KLHDC3: variants seen among roughly 807,000 people sequenced by gnomAD.
The protein encoded by KLHDC3 is kelch domain-containing protein 3.
A neutral mutation model predicts 44.1 loss-of-function variants in KLHDC3; 5 were observed. The ratio of observed to expected loss-of-function variants is 0.11; its 90% CI spans 0.06 to 0.24. The LOEUF is 0.24. Among genes scored for constraint, KLHDC3 ranks in the 10% least tolerant of loss-of-function variants. The pLI is 1.00. For missense variants in KLHDC3, 247 were observed against 514.3 expected (o/e 0.48, Z 5.03); for synonymous variants, 170 against 189.0 (o/e 0.90, Z 0.82).
Position 43,014,334 on chromosome 6 carries a change from G to T in KLHDC3, c.-74G>T. 1 of 616,672 alleles carries T rather than the reference G, an allele frequency of 1.6e-6. No individual in the cohort carries two copies. Among genetic ancestry groups the T allele is most frequent in the Non-Finnish European group, 2.9e-6 (1 of 345,958 alleles). 38.2% of individuals were successfully genotyped at this position (616,672 alleles called of 1,614,324 possible). Reference sequence around the variant, plus strand: ...GCTCGAGGACCCGCGGCCCCGCCCCGGCTCGGCCTGGCAGGTAGCCTGGGA... The same window carrying T: ...GCTCGAGGACCCGCGGCCCCGCCCCTGCTCGGCCTGGCAGGTAGCCTGGGA... On this transcript the variant is annotated 5_prime_UTR_variant, in exon 1 of 11. Coordinates refer to ENST00000326974, the MANE Select transcript of KLHDC3 (RefSeq NM_057161.4).
rs1762616030 is a variant in KLHDC3 at position 43,017,989 on chromosome 6, A to G, written c.447+21A>G. ...AGCAGGTAGGTCTGGGAATAAAATA[A>G]GAGGTTTAGGGTGGGACTGAGAAAG... On this transcript the variant is annotated intron_variant, in intron 4 of 10. Coordinates refer to ENST00000326974, the MANE Select transcript of KLHDC3 (RefSeq NM_057161.4). This position sits in a 1 kb window ranked among gnomAD's most constrained non-coding sequence, Gnocchi z 6.0. 1.9e-6 allele frequency: 3 copies of G among 1,592,788 alleles called. No individual in the cohort carries two copies. Among genetic ancestry groups the G allele is most frequent in the African/African-American group, 1.3e-5 (1 of 74,432 alleles).
chr6:43,020,921 C>T lies in KLHDC3; in HGVS notation c.*188C>T. Reference sequence around the variant, plus strand: ...AGCGGGGTGGGGGCTAGGTTCCTCCCCCCTTGGGCCGAGGGCCCCTTCCCC... The same window carrying T: ...AGCGGGGTGGGGGCTAGGTTCCTCCTCCCTTGGGCCGAGGGCCCCTTCCCC... On this transcript the variant is annotated 3_prime_UTR_variant, in exon 11 of 11. Coordinates refer to ENST00000326974, the MANE Select transcript of KLHDC3 (RefSeq NM_057161.4). 1 of 665,780 alleles carries T rather than the reference C, an allele frequency of 1.5e-6. No individual in the cohort carries two copies. Among genetic ancestry groups the T allele is most frequent in the Non-Finnish European group, 2.7e-6 (1 of 364,358 alleles). The allele number at this position is 665,780 out of a possible 1,614,324, so 41.2% of individuals were successfully genotyped here.
chr6:43,018,688 G>T lies in KLHDC3; in HGVS notation c.789G>T (p.Arg263=), dbSNP rs753414666. ...IFGGYNARLN[R]HFHDLWKFNP... is the part of the protein sequence containing the mutation. The stretch of plus-strand genomic sequence containing the variant: ...GTGGTTATAATGCAAGGCTGAACCG[G>T]CACTTCCATGACCTCTGGAAGTTTA... The change falls in exon 7 of 11, where the codon CGG becomes CGT. Residue 263 remains arginine, a synonymous_variant. Coordinates refer to ENST00000326974, the MANE Select transcript of KLHDC3 (RefSeq NM_057161.4). The surrounding 1 kb of genome is among the most constrained non-coding windows in gnomAD (Gnocchi z 6.0). 1.2e-6 allele frequency: 2 copies of T among 1,613,956 alleles called. No individual in the cohort carries two copies.
At chr6:43,015,828 T>TGG (rs1762556569) in intron 1 of KLHDC3, among the ~76,000 whole-genome samples, 1 of 126,948 alleles carries the variant, frequency 7.9e-6, no homozygotes, top group Non-Finnish European at 1.6e-5. Context: ...CGCTCCAGCC[T>TGG]GGGGGCAAGA....
Position 43,018,594 on chromosome 6 carries a change from G to C in KLHDC3, c.733+38G>C, listed in dbSNP as rs377293313. The C allele has an allele frequency of 4.3e-6, 7 of 1,612,114 alleles. No individual in the cohort carries two copies. Among genetic ancestry groups the C allele is most frequent in the Non-Finnish European group, 5.9e-6 (7 of 1,178,438 alleles). On this transcript the variant is annotated intron_variant, in intron 6 of 10. Transcript: ENST00000326974. The surrounding 1 kb of genome is among the most constrained non-coding windows in gnomAD (Gnocchi z 6.0). ...TACTTCCCTGTGGAGTTCCCTTCCT[G>C]CCCTCTTCACACTCCTGACACTTCC...
chr6:43,020,477 G>A (rs1762665232), intron 10 of KLHDC3, among the ~76,000 whole-genome samples, 190 bp from the exon 11 acceptor site: 1 of 152,134 alleles, frequency 6.6e-6, no homozygotes, highest in African/African-American at 2.4e-5. Flanking sequence ...AGAGGAGTGG[G>A]TGGTGTTGGA....
chr6:43,019,323 A>G lies in KLHDC3; in HGVS notation c.1039A>G (p.Ile347Val). ...GAAGACTCTGTGCAAACTGGCCGTG[A>G]TTCAGTATAACCTAGACCAGTCCTG... ...SLKTLCKLAVIQYNLDQSCLP... is the reference protein window; with the variant it reads ...SLKTLCKLAVVQYNLDQSCLP... The change falls in exon 10 of 11, where the codon ATT becomes GTT. Residue 347 changes from isoleucine (I) to valine (V), a missense_variant. By Grantham distance (29) the Ile-to-Val change is conservative. Coordinates refer to ENST00000326974, the MANE Select transcript of KLHDC3 (RefSeq NM_057161.4). 1 of 1,613,994 alleles carries G rather than the reference A, an allele frequency of 6.2e-7. No individual in the cohort carries two copies. Among genetic ancestry groups the G allele is most frequent in the Non-Finnish European group, 8.5e-7 (1 of 1,179,900 alleles).
At position 43,017,128 on chromosome 6, in the gene KLHDC3, G is replaced by C. The variant is rs1040436679; in HGVS notation, c.-59-6G>C. 6.4e-5 allele frequency: 100 copies of C among 1,555,762 alleles called. No individual in the cohort carries two copies. The highest frequency in any genetic ancestry group is 8.3e-5 in the Non-Finnish European group (95 of 1,150,106). On this transcript the variant is annotated splice_region_variant and splice_polypyrimidine_tract_variant and intron_variant, in intron 1 of 10. Coordinates refer to ENST00000326974, the MANE Select transcript of KLHDC3 (RefSeq NM_057161.4). The surrounding 1 kb of genome is among the most constrained non-coding windows in gnomAD (Gnocchi z 6.0). ...TGAGGATCCCGTGGCCCCAATTTGTGTGCAGATAGCAGAGGCAGCAGGCCG... is the reference window on the plus strand; with the variant it reads ...TGAGGATCCCGTGGCCCCAATTTGTCTGCAGATAGCAGAGGCAGCAGGCCG...
At position 43,019,350 on chromosome 6, in the gene KLHDC3, T is replaced by C. The variant is rs1196924131; in HGVS notation, c.1066T>C (p.Leu356=). 9 of 1,613,114 alleles carry C rather than the reference T, an allele frequency of 5.6e-6. 1 individual carries two copies. The East Asian group carries it at 2.0e-4, about 36-fold the overall frequency. ...TCAGTATAACCTAGACCAGTCCTGT[T>C]TGCCTCATGATATCAGGTACAGCGA... The part of the protein sequence containing the change: ...VIQYNLDQSC[L]PHDIRWELNA... The change falls in exon 10 of 11, where the codon TTG becomes CTG. Residue 356 remains leucine (L), a synonymous_variant. Transcript: ENST00000326974.
chr6:43,016,995 A>G lies in KLHDC3; in HGVS notation c.-59-139A>G, dbSNP rs1762593912. 4 of 645,494 alleles carry G rather than the reference A, an allele frequency of 6.2e-6. No homozygotes were observed. The South Asian group carries it at 7.5e-5, about 12-fold the overall frequency. The allele number at this position is 645,494 out of a possible 1,614,324, so 40.0% of individuals were successfully genotyped here. ...GGGGCAGGGCCAGCCACCTGAGCTG[A>G]GACTAGTGCCCCTGTGGAGGGGTAG... On this transcript the variant is annotated intron_variant, in intron 1 of 10. Transcript: ENST00000326974.
chr6:43,018,815 A>G lies in KLHDC3; in HGVS notation c.821-48A>G, dbSNP rs761661069. The stretch of plus-strand genomic sequence containing the variant: ...GCGGTGAGGGATGGGGGTGGGGAAG[A>G]TACCTGGACTAGGCAGGTATTGAAC... On this transcript the variant is annotated intron_variant, in intron 7 of 10. Transcript: ENST00000326974. This position sits in a 1 kb window ranked among gnomAD's most constrained non-coding sequence, Gnocchi z 6.0. 2 of 1,552,972 alleles carry G rather than the reference A, an allele frequency of 1.3e-6. No homozygotes were observed. Among genetic ancestry groups the G allele is most frequent in the African/African-American group, 2.7e-5 (2 of 73,750 alleles).
intron 1 of KLHDC3, among the ~76,000 whole-genome samples, chr6:43,016,090 C>T (rs867602239): frequency 4.0e-5 from 6 of 151,840 alleles, no homozygotes; most frequent in East Asian, 2.0e-4. Context: ...TGCGCGCCAC[C>T]GTGCCCAGCT....
chr6:43,017,720 A>T lies in KLHDC3; in HGVS notation c.331+25A>T. ...AGTGAGTATGGATCTCAGAGAGGCTATGTCCTTCCAGATGTTGCCTCAGTT... is the reference window on the plus strand; with the variant it reads ...AGTGAGTATGGATCTCAGAGAGGCTTTGTCCTTCCAGATGTTGCCTCAGTT... On this transcript the variant is annotated intron_variant, in intron 3 of 10. Coordinates refer to ENST00000326974, the MANE Select transcript of KLHDC3 (RefSeq NM_057161.4). This position sits in a 1 kb window ranked among gnomAD's most constrained non-coding sequence, Gnocchi z 6.0. 6.2e-7 allele frequency: 1 copy of T among 1,606,802 alleles called. No individual in the cohort carries two copies. Among genetic ancestry groups the T allele is most frequent in the Non-Finnish European group, 8.5e-7 (1 of 1,175,008 alleles).
rs757675423 is a variant in KLHDC3 at position 43,018,734 on chromosome 6, A to G, written c.820+15A>G. On this transcript the variant is annotated intron_variant, in intron 7 of 10. Transcript: ENST00000326974. The surrounding 1 kb of genome is among the most constrained non-coding windows in gnomAD (Gnocchi z 6.0). ...GTTTAATCCTGGTAAAGAGCACTGCATTTAGGGCAGGAACAAGGAGCAATT... is the reference window on the plus strand; with the variant it reads ...GTTTAATCCTGGTAAAGAGCACTGCGTTTAGGGCAGGAACAAGGAGCAATT... 1.2e-6 allele frequency: 2 copies of G among 1,609,884 alleles called. No individual in the cohort carries two copies. Among genetic ancestry groups the G allele is most frequent in the South Asian group, 1.1e-5 (1 of 91,004 alleles).
In KLHDC3 at chr6:43,017,567, G is replaced by A. The variant is rs755416977; in HGVS notation, c.203G>A (p.Gly68Glu). 5 of 1,612,238 alleles carry A rather than the reference G, an allele frequency of 3.1e-6. No individual in the cohort carries two copies. In the Admixed American group the frequency reaches 6.7e-5, roughly 22 times the overall value. ...KLPPVKSAIRGQAPVVPYMRY... is the reference protein window; with the variant it reads ...KLPPVKSAIREQAPVVPYMRY... ...CCCCCGGTGAAGTCTGCCATCCGTG[G>A]GCAAGCTCCTGTGGTACCCTACATG... The change falls in exon 3 of 11, where the codon GGG becomes GAG. Residue 68 changes from glycine (G) to glutamate (E), a missense_variant. This residue lies in a region of KLHDC3 where 71 missense variants were observed against 100.8 expected (regional missense o/e 0.70). Coordinates refer to ENST00000326974, the MANE Select transcript of KLHDC3 (RefSeq NM_057161.4). This position sits in a 1 kb window ranked among gnomAD's most constrained non-coding sequence, Gnocchi z 6.0.
intron 10 of KLHDC3, 45 bp from the exon 11 acceptor site, chr6:43,020,622 C>T: frequency 2.7e-6 from 4 of 1,508,040 alleles, no homozygotes; most frequent in African/African-American, 2.7e-5. Flanking sequence ...TTAGCTTGGG[C>T]TGAGGGCCCC....
chr6:43,015,153 C>T (rs1422784424), intron 1 of KLHDC3, among the ~76,000 whole-genome samples: 1 of 152,166 alleles, frequency 6.6e-6, no homozygotes, highest in Non-Finnish European at 1.5e-5. Context: ...TTAAGCCCAT[C>T]GACCTCCTAA....
chr6:43,017,581 G>A lies in KLHDC3; in HGVS notation c.217G>A (p.Val73Ile), dbSNP rs765515981. ...KSAIRGQAPVVPYMRYGHSTV... is the reference protein window; with the variant it reads ...KSAIRGQAPVIPYMRYGHSTV... ...TGCCATCCGTGGGCAAGCTCCTGTG[G>A]TACCCTACATGCGCTATGGACACTC... Residue 73 changes from valine (V) to isoleucine (I), a missense_variant, in exon 3 of 11, where the codon GTA becomes ATA. By Grantham distance (29) the Val-to-Ile change is conservative (BLOSUM62 3). Transcript: ENST00000326974. The surrounding 1 kb of genome is among the most constrained non-coding windows in gnomAD (Gnocchi z 6.0). The A allele has an allele frequency of 1.9e-6, 3 of 1,613,788 alleles. No homozygotes were observed. Among genetic ancestry groups the A allele is most frequent in the South Asian group, 1.1e-5 (1 of 91,034 alleles).
Position 43,021,215 on chromosome 6 carries a change from T to C in KLHDC3, c.*482T>C, listed in dbSNP as rs1195627844. On this transcript the variant is annotated 3_prime_UTR_variant, in exon 11 of 11. Transcript: ENST00000326974. ...GGGGAGGTGGGGACCAGCAGATAAA[T>C]CCCACCCTTCCTTGAGCTGTCGCTG... The C allele has an allele frequency of 4.9e-6, 2 of 404,118 alleles. No individual in the cohort carries two copies. The highest frequency in any genetic ancestry group is 1.8e-5 in the South Asian group (1 of 55,902). The allele number at this position is 404,118 out of a possible 1,614,324, so 25.0% of individuals were successfully genotyped here.
Sources: gnomAD v4.1 joint callset for allele counts (sites outside exome capture counted in the v4.1 genomes callset) on GRCh38, gnomAD v4.1.1 for gene constraint, gnomAD v4.1.1 regional missense constraint, Gnocchi (gnomAD v3.1) non-coding constraint, MANE v1.5 for transcripts, NCBI Gene and HGNC (gene_info 2026-07-23, HGNC 2026-07-21) for gene names.